MYRIP: variants seen among roughly 807,000 people sequenced by gnomAD.
The protein encoded by MYRIP is myosin VIIA and Rab interacting protein.
A neutral mutation model predicts 98.0 loss-of-function variants in MYRIP; 49 were observed. That is an observed-to-expected ratio of 0.50 (90% confidence interval 0.40 to 0.63). MYRIP has a LOEUF of 0.63. Among genes scored for constraint, MYRIP ranks in the 30% least tolerant of loss-of-function variants. The pLI is 0.00. For missense variants in MYRIP, 1,004 were observed against 1,058.2 expected (o/e 0.95, Z 0.71); for synonymous variants, 404 against 409.5 (o/e 0.99, Z 0.16).
At chr3:39,927,762 C>A (rs1575386942) in intron 2 of MYRIP, among the ~76,000 whole-genome samples, 2 of 152,096 alleles carry the variant, frequency 1.3e-5, no homozygotes, top group East Asian at 3.9e-4. Flanking sequence ...AGGCCAGTCT[C>A]CCTGATGCAC....
chr3:39,868,001 T>G (rs1345527670), intron 1 of MYRIP, among the ~76,000 whole-genome samples: 1 of 152,212 alleles, frequency 6.6e-6, no homozygotes, highest in African/African-American at 2.4e-5. Context: ...AATCCTTCTC[T>G]CTCACTGTCT....
chr3:40,129,588 C>T (rs954615278), intron 3 of MYRIP, among the ~76,000 whole-genome samples: 3 of 151,124 alleles, frequency 2.0e-5, no homozygotes, highest in African/African-American at 2.4e-5. Flanking sequence ...TGAGATTACA[C>T]TTTTCTATCT....
chr3:40,251,447 TCAAA>T (rs1953375294), intron 15 of MYRIP, among the ~76,000 whole-genome samples: 1 of 152,104 alleles, frequency 6.6e-6, no homozygotes, highest in Non-Finnish European at 1.5e-5. Flanking sequence ...CATCTGAAAA[TCAAA>T]CAAACACATG....
intron 1 of MYRIP, among the ~76,000 whole-genome samples, chr3:39,824,144 C>G (rs1394039629): frequency 6.6e-6 from 1 of 152,114 alleles, no homozygotes; most frequent in Non-Finnish European, 1.5e-5. Flanking sequence ...GTGCCTTTGT[C>G]AAAAATCATC....
intron 2 of MYRIP, among the ~76,000 whole-genome samples, chr3:40,033,343 CCTT>C (rs1355120496): frequency 2.6e-5 from 4 of 151,754 alleles, no homozygotes; most frequent in Non-Finnish European, 5.9e-5. Flanking sequence ...CCCAAAATCT[CCTT>C]AAGCTGATAA....
At chr3:39,883,979 T>C (rs1457287755) in intron 1 of MYRIP, among the ~76,000 whole-genome samples, 1 of 152,106 alleles carries the variant, frequency 6.6e-6, no homozygotes, top group East Asian at 1.9e-4. Flanking sequence ...AGATTGAAGA[T>C]GCTGTCTCTA....
At chr3:40,200,809 C>T (rs555572544) in intron 10 of MYRIP, among the ~76,000 whole-genome samples, 16 of 152,304 alleles carry the variant, frequency 1.1e-4, no homozygotes, top group South Asian at 4.1e-4. Context: ...CGTGTCATCA[C>T]GTGATTGCCA....
intron 3 of MYRIP, among the ~76,000 whole-genome samples, chr3:40,091,906 A>G (rs1948742790): frequency 6.6e-6 from 1 of 152,150 alleles, no homozygotes; most frequent in African/African-American, 2.4e-5. Flanking sequence ...AAATTGCCCA[A>G]AGAAGTCTTC....
intron 9 of MYRIP, among the ~76,000 whole-genome samples, chr3:40,183,945 A>G (rs1248914921): frequency 2.6e-5 from 4 of 152,256 alleles, no homozygotes; most frequent in Non-Finnish European, 5.9e-5. Context: ...AAATATTTTT[A>G]ACTGTCATTC....
chr3:39,984,965 C>A (rs960422067), intron 2 of MYRIP, among the ~76,000 whole-genome samples: 1 of 150,722 alleles, frequency 6.6e-6, no homozygotes, highest in Non-Finnish European at 1.5e-5. Flanking sequence ...ATTTGCATTT[C>A]TCTGATGGCC....
At chr3:40,102,103 C>A (rs1948956129) in intron 3 of MYRIP, among the ~76,000 whole-genome samples, 1 of 152,174 alleles carries the variant, frequency 6.6e-6, no homozygotes, top group Non-Finnish European at 1.5e-5. Flanking sequence ...AGATGGGGGC[C>A]AAGGCCAAGC....
At chr3:40,248,006 G>A (rs1303427887) in intron 13 of MYRIP, among the ~76,000 whole-genome samples, 1 of 152,376 alleles carries the variant, frequency 6.6e-6, no homozygotes, top group African/African-American at 2.4e-5. Flanking sequence ...CTCCCCACCA[G>A]GCTAACTGGT....
At chr3:40,249,421 G>A (rs1181551362) in intron 13 of MYRIP, among the ~76,000 whole-genome samples, 1 of 152,204 alleles carries the variant, frequency 6.6e-6, no homozygotes, top group Admixed American at 6.5e-5. Flanking sequence ...GATGATGGGT[G>A]TATCACTTGT....
intron 10 of MYRIP, among the ~76,000 whole-genome samples, chr3:40,197,436 T>C (rs182880260): frequency 7.9e-5 from 12 of 152,302 alleles, no homozygotes; most frequent in African/African-American, 2.4e-4. Context: ...CACACTCTTC[T>C]GTCCTCCTAA....
At chr3:40,244,323 C>T in intron 12 of MYRIP, 123 bp from the exon 13 acceptor site, 5 of 750,716 alleles carry the variant, frequency 6.7e-6, no homozygotes, top group Non-Finnish European at 1.0e-5. Context: ...ATAAAAATAA[C>T]ATCCCCCCTG....
intron 2 of MYRIP, among the ~76,000 whole-genome samples, chr3:39,919,835 G>C (rs1944268733): frequency 6.6e-6 from 1 of 152,190 alleles, no homozygotes; most frequent in South Asian, 2.1e-4. Flanking sequence ...GAGGCACAGA[G>C]CTGGTATTGA....
intron 3 of MYRIP, among the ~76,000 whole-genome samples, chr3:40,110,836 CA>C (rs1157984357): frequency 6.6e-6 from 1 of 151,508 alleles, no homozygotes; most frequent in Non-Finnish European, 1.5e-5. Context: ...TAATTATTCT[CA>C]AATAACCACA....
At chr3:40,227,092 C>T (rs1952511335) in intron 11 of MYRIP, among the ~76,000 whole-genome samples, 1 of 152,188 alleles carries the variant, frequency 6.6e-6, no homozygotes, top group Non-Finnish European at 1.5e-5. Flanking sequence ...GCTGTTGTCT[C>T]CTGACTGCTT....
chr3:39,831,739 T>G (rs1413745816), intron 1 of MYRIP, among the ~76,000 whole-genome samples: 1 of 152,210 alleles, frequency 6.6e-6, no homozygotes, highest in Admixed American at 6.5e-5. Context: ...GAATTGAATA[T>G]CACTTGAAAT....
Sources: gnomAD v4.1 joint callset for allele counts (sites outside exome capture counted in the v4.1 genomes callset) on GRCh38, gnomAD v4.1.1 for gene constraint, MANE v1.5 for transcripts, NCBI Gene and HGNC (gene_info 2026-07-23, HGNC 2026-07-21) for gene names.